Variants in SLC4A4 observed in about 807,000 individuals in gnomAD.
The protein encoded by SLC4A4 is solute carrier family 4 member 4, also known as electrogenic sodium bicarbonate cotransporter 1.
In SLC4A4, 27 loss-of-function variants were observed where a neutral mutation model predicts 111.5. The ratio of observed to expected loss-of-function variants is 0.24; its 90% CI spans 0.18 to 0.33. The LOEUF is 0.33. SLC4A4 is among the 10% of genes least tolerant of loss of function. The pLI is 1.00. For synonymous variants in SLC4A4, 443 were observed against 463.4 expected, an observed-to-expected ratio of 0.96 and a Z score of 0.57; for missense variants, 909 against 1,315.5, an observed-to-expected ratio of 0.69 and a Z score of 4.78.
At chr4:71,082,641 T>A (rs768975602) in intron 1 of SLC4A4, among the ~76,000 whole-genome samples, 4 of 152,008 alleles carry the variant, frequency 2.6e-5, no homozygotes, top group Non-Finnish European at 5.9e-5. Context: ...AATATAACAA[T>A]ACCATGTAGC....
chr4:71,194,564 C>A (rs779663949), intron 1 of SLC4A4, among the ~76,000 whole-genome samples: 12 of 152,126 alleles, frequency 7.9e-5, no homozygotes, highest in Non-Finnish European at 1.6e-4. Context: ...TAAGAGCCAG[C>A]AGTTTGAGAT....
intron 3 of SLC4A4, among the ~76,000 whole-genome samples, chr4:71,259,565 G>C (rs537388406): frequency 1.3e-5 from 2 of 152,032 alleles, no homozygotes; most frequent in East Asian, 3.9e-4. Flanking sequence ...GAGGTGGTGT[G>C]GAGTGGGTGG....
At chr4:71,230,402 C>T (rs1276093919) in intron 1 of SLC4A4, among the ~76,000 whole-genome samples, 4 of 152,166 alleles carry the variant, frequency 2.6e-5, no homozygotes, top group Non-Finnish European at 4.4e-5. Context: ...ATTGGTCACT[C>T]CCCTGTGTGC....
intron 8 of SLC4A4, among the ~76,000 whole-genome samples, chr4:71,445,500 A>G (rs1351194315): frequency 9.2e-5 from 14 of 152,182 alleles, no homozygotes; most frequent in African/African-American, 3.4e-4. Flanking sequence ...AGTTTTGGAT[A>G]TTATGCATTA....
chr4:71,143,744 CTTT>C (rs988998299), intron 2 of SLC4A4, among the ~76,000 whole-genome samples: 55 of 152,222 alleles, frequency 3.6e-4, no homozygotes, highest in African/African-American at 1.2e-3. Context: ...TAAATGTCTT[CTTT>C]TGAGAAGTGT....
intron 24 of SLC4A4, among the ~76,000 whole-genome samples, chr4:71,565,163 A>C (rs941373326): frequency 1.3e-5 from 2 of 151,848 alleles, no homozygotes; most frequent in Non-Finnish European, 2.9e-5. Flanking sequence ...CCCTATGTAA[A>C]TGGAGAGGAT....
At chr4:71,485,575 A>T (rs924360542) in intron 14 of SLC4A4, among the ~76,000 whole-genome samples, 5 of 94,868 alleles carry the variant, frequency 5.3e-5, no homozygotes, top group African/African-American at 1.4e-4. Flanking sequence ...AAGAACACAG[A>T]TAATAATGCA....
intron 2 of SLC4A4, among the ~76,000 whole-genome samples, chr4:71,244,644 A>G (rs1720500109): frequency 6.6e-6 from 1 of 152,176 alleles, no homozygotes; most frequent in Non-Finnish European, 1.5e-5. Flanking sequence ...ACACTTTCTC[A>G]CCAGTGGTTG....
At chr4:71,318,744 T>C (rs1363226763) in intron 3 of SLC4A4, among the ~76,000 whole-genome samples, 17 of 152,018 alleles carry the variant, frequency 1.1e-4, no homozygotes, top group Admixed American at 1.1e-3. Context: ...TAGAGTTTAC[T>C]TAACTATAAT....
chr4:71,428,613 G>A (rs527506052), intron 7 of SLC4A4, among the ~76,000 whole-genome samples: 13 of 152,106 alleles, frequency 8.5e-5, no homozygotes, highest in African/African-American at 2.9e-4. Context: ...GAAGACAATG[G>A]AAGGGTGGGG....
At chr4:71,251,538 G>T (rs1040645087) in intron 2 of SLC4A4, among the ~76,000 whole-genome samples, 7 of 152,178 alleles carry the variant, frequency 4.6e-5, no homozygotes, top group Non-Finnish European at 7.3e-5. Flanking sequence ...TTTAGAGTTT[G>T]TTGGGAACTT....
At chr4:71,507,410 C>G (rs1731515720) in intron 16 of SLC4A4, among the ~76,000 whole-genome samples, 1 of 151,976 alleles carries the variant, frequency 6.6e-6, no homozygotes, top group Non-Finnish European at 1.5e-5. Flanking sequence ...ATTTACCAAA[C>G]AAATGGAAAA....
intron 25 of SLC4A4, among the ~76,000 whole-genome samples, chr4:71,567,287 G>C (rs1181954718): frequency 6.6e-6 from 1 of 151,624 alleles, no homozygotes; most frequent in Non-Finnish European, 1.5e-5. Context: ...ACAAATAATG[G>C]AATCTTTCAG....
intron 2 of SLC4A4, among the ~76,000 whole-genome samples, chr4:71,107,593 G>T (rs1045888448): frequency 1.3e-5 from 2 of 152,016 alleles, no homozygotes; most frequent in African/African-American, 4.8e-5. Context: ...CAAATGATAC[G>T]CTGCCTCGGC....
At chr4:71,274,869 G>T (rs565472395) in intron 3 of SLC4A4, among the ~76,000 whole-genome samples, 2 of 152,234 alleles carry the variant, frequency 1.3e-5, no homozygotes, top group African/African-American at 4.8e-5. Flanking sequence ...AGATAAATTA[G>T]TCAGTGAAAA....
chr4:71,082,587 T>A (rs10518083), intron 1 of SLC4A4, among the ~76,000 whole-genome samples: 1 of 152,048 alleles, frequency 6.6e-6, no homozygotes, highest in East Asian at 1.9e-4. Flanking sequence ...CAGAAAATTA[T>A]GTTGAGAGAA....
intron 7 of SLC4A4, among the ~76,000 whole-genome samples, chr4:71,417,095 C>T (rs1242342772): frequency 1.3e-5 from 2 of 152,178 alleles, no homozygotes; most frequent in Non-Finnish European, 2.9e-5. Context: ...GATGCCACAA[C>T]ACAGGTGTGA....
chr4:71,455,741 T>G lies in SLC4A4; in HGVS notation c.1497+2072T>G, dbSNP rs555149989. Among the ~76,000 whole-genome samples, 12 of 152,260 alleles carry G rather than the reference T, an allele frequency of 7.9e-5. No homozygotes were observed. The East Asian group carries it at 1.9e-3, about 25-fold the overall frequency. On this transcript the variant is annotated intron_variant, in intron 12 of 25. Coordinates refer to ENST00000264485, the MANE Select transcript of SLC4A4 (RefSeq NM_001098484.3). ...TGCAATATTGCCTATGTGTATTAGT[T>G]TATTGCCTTTTTTGAATTGAATTGT...
chr4:71,328,915 C>T (rs1727720091), intron 3 of SLC4A4, among the ~76,000 whole-genome samples: 1 of 151,784 alleles, frequency 6.6e-6, no homozygotes, highest in Non-Finnish European at 1.5e-5. Flanking sequence ...CCTGGAGTTT[C>T]CCCAATGTTT....
Sources: gnomAD v4.1 joint callset for allele counts (sites outside exome capture counted in the v4.1 genomes callset) on GRCh38, gnomAD v4.1.1 for gene constraint, MANE v1.5 for transcripts, NCBI Gene and HGNC (gene_info 2026-07-23, HGNC 2026-07-21) for gene names.